ACTR3C: variants seen among roughly 807,000 people sequenced by gnomAD.
ACTR3C encodes the protein actin related protein 3C.
ACTR3C carries 18 observed loss-of-function variants against 26.3 expected under a neutral mutation model. That is an observed-to-expected ratio of 0.68 (90% CI 0.47 to 1.01). The LOEUF (loss-of-function observed/expected upper bound fraction) is 1.01. ACTR3C is among the 50% of genes least tolerant of loss of function. The pLI, the probability that ACTR3C is intolerant of heterozygous loss-of-function variation, is 0.00. For missense variants in ACTR3C, 184 were observed against 250.7 expected, an observed-to-expected ratio of 0.73 and a Z score of 1.80; for synonymous variants, 55 against 94.5, an observed-to-expected ratio of 0.58 and a Z score of 2.42.
intron 6 of ACTR3C, among the ~76,000 whole-genome samples, chr7:150,255,424 A>C (rs1156618922): frequency 1.3e-5 from 2 of 151,868 alleles, no homozygotes; most frequent in Non-Finnish European, 2.9e-5. Flanking sequence ...TGAAATCTAG[A>C]CCTTAGGTGC....
At chr7:149,990,433 T>A in the ACTR3C span, among the ~76,000 whole-genome samples, 11 of 124,724 alleles carry the variant, frequency 8.8e-5, no homozygotes. Flanking sequence ...TTGCTCAGCC[T>A]TTTCACCAGA....
chr7:149,887,454 G>A, the ACTR3C span, among the ~76,000 whole-genome samples: 1 of 152,206 alleles, frequency 6.6e-6, no homozygotes, highest in Non-Finnish European at 1.5e-5. Context: ...ATCTCCCCAT[G>A]CTCTTGGTGC....
chr7:150,193,728 C>T, the ACTR3C span, among the ~76,000 whole-genome samples: 2 of 151,536 alleles, frequency 1.3e-5, no homozygotes, highest in Non-Finnish European at 2.9e-5. Flanking sequence ...TTTCTAGATA[C>T]CTATTGGATA....
the ACTR3C span, among the ~76,000 whole-genome samples, chr7:150,130,939 G>A: frequency 2.0e-5 from 3 of 152,214 alleles, no homozygotes; most frequent in Non-Finnish European, 4.4e-5. Context: ...CTTAACCACA[G>A]TGTTAGAAAG....
chr7:149,961,199 A>T, the ACTR3C span, among the ~76,000 whole-genome samples: 3 of 152,030 alleles, frequency 2.0e-5, no homozygotes, highest in African/African-American at 7.3e-5. Flanking sequence ...GGAAGTGCAC[A>T]GAGAGGAACT....
At chr7:149,987,194 G>GA in the ACTR3C span, among the ~76,000 whole-genome samples, 141,157 of 150,514 alleles carry the variant, frequency 0.94, 66,657 homozygotes, top group East Asian at 1. Context: ...CCTACCAGAG[G>GA]AAAAAAAAAT....
At chr7:150,311,694 A>G (rs1335884003) in intron 1 of ACTR3C, among the ~76,000 whole-genome samples, 2 of 152,002 alleles carry the variant, frequency 1.3e-5, no homozygotes, top group Non-Finnish European at 2.9e-5. Flanking sequence ...CCCAGACCAC[A>G]CTTAGTTTAT....
the ACTR3C span, among the ~76,000 whole-genome samples, chr7:149,981,013 C>T: frequency 1.1e-4 from 17 of 150,956 alleles, no homozygotes; most frequent in African/African-American, 3.9e-4. Context: ...GTAAACTGGT[C>T]AGCTCTGCAG....
chr7:149,958,371 A>G, the ACTR3C span, among the ~76,000 whole-genome samples: 3 of 152,196 alleles, frequency 2.0e-5, no homozygotes, highest in Non-Finnish European at 4.4e-5. Flanking sequence ...AGTTAAAGAG[A>G]CTGGGTTTGC....
the ACTR3C span, among the ~76,000 whole-genome samples, chr7:149,917,111 T>TGGA: frequency 6.6e-6 from 1 of 151,904 alleles, no homozygotes; most frequent in Non-Finnish European, 1.5e-5. Context: ...GTTCCGCTCT[T>TGGA]GTTGCCCAGG....
At chr7:149,959,677 T>TG in the ACTR3C span, among the ~76,000 whole-genome samples, 5 of 152,046 alleles carry the variant, frequency 3.3e-5, no homozygotes, top group African/African-American at 1.2e-4. Flanking sequence ...TGTGGCTGAG[T>TG]TTAGATGGTT....
the ACTR3C span, among the ~76,000 whole-genome samples, chr7:150,222,857 A>AT: frequency 6.6e-6 from 1 of 152,154 alleles, no homozygotes. Flanking sequence ...AATAACAGCA[A>AT]TTTTTTCTTC....
the ACTR3C span, among the ~76,000 whole-genome samples, chr7:149,911,913 G>A: frequency 5.9e-5 from 9 of 151,378 alleles, no homozygotes; most frequent in Admixed American, 1.3e-4. Context: ...AATAGACTGA[G>A]GCAAGAGGAC....
At chr7:150,066,239 C>T in the ACTR3C span, among the ~76,000 whole-genome samples, 2 of 152,134 alleles carry the variant, frequency 1.3e-5, no homozygotes, top group East Asian at 3.9e-4. Flanking sequence ...GAACTCATGA[C>T]ACTATGTGAG....
At chr7:149,907,478 T>TTCTCTTCTCTCTCC in the ACTR3C span, among the ~76,000 whole-genome samples, 2 of 97,606 alleles carry the variant, frequency 2.0e-5, no homozygotes, top group Non-Finnish European at 4.2e-5. Flanking sequence ...CTCTCTTCTC[T>TTCTCTTCTCTCTCC]TCTCTCTCTC....
At chr7:150,004,027 G>C in the ACTR3C span, among the ~76,000 whole-genome samples, 2 of 151,946 alleles carry the variant, frequency 1.3e-5, no homozygotes, top group African/African-American at 4.8e-5. Flanking sequence ...TGTGGTATTT[G>C]ATGTGTGTGT....
intron 2 of ACTR3C, among the ~76,000 whole-genome samples, chr7:150,294,760 A>T (rs1197523454): frequency 6.6e-6 from 1 of 151,792 alleles, no homozygotes; most frequent in Non-Finnish European, 1.5e-5. Context: ...TCCCTTACAT[A>T]AGGTGGCAGG....
the ACTR3C span, among the ~76,000 whole-genome samples, chr7:150,066,867 A>G: frequency 4.5e-3 from 682 of 152,380 alleles, 5 homozygotes; most frequent in African/African-American, 0.016. Flanking sequence ...TTGTGTGCAG[A>G]GGAGTGGGCA....
At chr7:149,995,855 T>C in the ACTR3C span, among the ~76,000 whole-genome samples, 5 of 152,322 alleles carry the variant, frequency 3.3e-5, no homozygotes, top group African/African-American at 1.2e-4. Context: ...TGAGCCTCGT[T>C]TGGGGTCTTG....
Sources: allele counts gnomAD v4.1 joint callset (sites outside exome capture counted in the v4.1 genomes callset), GRCh38; gene constraint gnomAD v4.1.1; transcripts MANE v1.5; gene names NCBI Gene and HGNC (gene_info 2026-07-23, HGNC 2026-07-21).